Variants in GTF2A1L observed in about 807,000 individuals in gnomAD.
GTF2A1L encodes TFIIA-alpha and beta-like factor.
GTF2A1L carries 48 observed loss-of-function variants against 49.7 expected under a neutral mutation model. The observed-to-expected ratio is 0.97, with a 90% CI of 0.77 to 1.23. The LOEUF (loss-of-function observed/expected upper bound fraction) is 1.23. Among genes scored for constraint, GTF2A1L ranks in the 50% most tolerant of loss-of-function variants. The pLI is 0.00. For missense variants in GTF2A1L, 736 were observed against 564.8 expected (o/e 1.30, Z -3.07); for synonymous variants, 246 against 193.5 (o/e 1.27, Z -2.25).
At chr2:48,674,597 A>G (rs943723527) in intron 8 of GTF2A1L, among the ~76,000 whole-genome samples, 5 of 152,154 alleles carry the variant, frequency 3.3e-5, no homozygotes, top group Admixed American at 2.0e-4. Context: ...AACTTGTTTT[A>G]GTTTCTTATA....
At position 48,674,665 on chromosome 2, in the gene GTF2A1L, C is replaced by A. The variant is rs575547773; in HGVS notation, c.1329+2985C>A. 2.2e-4 allele frequency among the ~76,000 whole-genome samples: 34 copies of A among 152,184 alleles called. No homozygotes were observed. In the South Asian group the frequency reaches 6.8e-3, roughly 31 times the overall value. On this transcript the variant is annotated intron_variant, in intron 8 of 8. Transcript: ENST00000403751. ...TAAGGTACTTAATTATATATACATT[C>A]CATAAAGTCTCATGCAGAATTTTCT...
chr2:48,634,257 G>A (rs1189522172), intron 3 of GTF2A1L, among the ~76,000 whole-genome samples: 5 of 152,068 alleles, frequency 3.3e-5, no homozygotes, highest in African/African-American at 4.8e-5. Flanking sequence ...GATGGCAGGC[G>A]AGCATAACCA....
chr2:48,652,525 G>GA (rs1677911390), intron 6 of GTF2A1L, among the ~76,000 whole-genome samples: 1 of 151,218 alleles, frequency 6.6e-6, no homozygotes, highest in South Asian at 2.1e-4. Context: ...TGAGGCAAGA[G>GA]AATCACTTGA....
intron 6 of GTF2A1L, among the ~76,000 whole-genome samples, chr2:48,651,098 A>T (rs1232911854): frequency 6.6e-6 from 1 of 152,190 alleles, no homozygotes; most frequent in African/African-American, 2.4e-5. Flanking sequence ...ATCATGAAGC[A>T]TCCTATTTAC....
chr2:48,666,613 T>TTTG (rs1678860250), intron 6 of GTF2A1L, among the ~76,000 whole-genome samples: 2 of 88,662 alleles, frequency 2.3e-5, no homozygotes, highest in Non-Finnish European at 5.3e-5. Flanking sequence ...GTGTGTGTGT[T>TTTG]TGTGTGTGTG....
Position 48,671,617 on chromosome 2 carries a change from T to C in GTF2A1L, c.1266T>C (p.Val422=), listed in dbSNP as rs745910842. ...ACCCTTTAAATTCTGGAGATGATGTTAGTGAACAGGATGTGCCAGACCTGT... is the reference window on the plus strand; with the variant it reads ...ACCCTTTAAATTCTGGAGATGATGTCAGTGAACAGGATGTGCCAGACCTGT... ...EEDPLNSGDD[V]SEQDVPDLFD... The change falls in exon 8 of 9, where the codon GTT becomes GTC. Residue 422 remains valine, a synonymous_variant. Transcript: ENST00000403751. 6.2e-7 allele frequency: 1 copy of C among 1,613,596 alleles called. No homozygotes were observed. The highest frequency in any genetic ancestry group is 8.5e-7 in the Non-Finnish European group (1 of 1,179,674).
chr2:48,670,014 T>C, intron 7 of GTF2A1L, 32 bp downstream of exon 7: 1 of 1,572,304 alleles, frequency 6.4e-7, no homozygotes, highest in East Asian at 2.3e-5. Flanking sequence ...AGACTTCCTT[T>C]ATTAATTTAT....
chr2:48,666,722 T>A (rs1227225460), intron 6 of GTF2A1L, among the ~76,000 whole-genome samples: 1 of 152,126 alleles, frequency 6.6e-6, no homozygotes, highest in Non-Finnish European at 1.5e-5. Flanking sequence ...AAATTTTTAC[T>A]CTCATATTGT....
intron 7 of GTF2A1L, 92 bp from the exon 8 acceptor site, chr2:48,671,499 G>A (rs949834745): frequency 2.1e-5 from 28 of 1,361,940 alleles, no homozygotes; most frequent in African/African-American, 5.9e-5. Context: ...CCACCACGCC[G>A]AGACAAGTTC....
At position 48,618,094 on chromosome 2, in the gene GTF2A1L, G is replaced by A; in HGVS notation, c.21+199G>A. Reference sequence around the variant, plus strand: ...GGCCAGTAGTTCAGCAGGAAGTTGGGCCAGCCCCGCCAAAAGAACAAGTGC... The same window carrying A: ...GGCCAGTAGTTCAGCAGGAAGTTGGACCAGCCCCGCCAAAAGAACAAGTGC... On this transcript the variant is annotated intron_variant, in intron 1 of 8. Transcript: ENST00000403751. 3 of 552,356 alleles carry A rather than the reference G, an allele frequency of 5.4e-6. No individual in the cohort carries two copies. The South Asian group carries it at 8.2e-5, about 15-fold the overall frequency. The allele number at this position is 552,356 out of a possible 1,614,324, so 34.2% of individuals were successfully genotyped here.
chr2:48,642,609 C>G (rs935851489), intron 4 of GTF2A1L, 152 bp downstream of exon 4: 13 of 603,194 alleles, frequency 2.2e-5, no homozygotes, highest in Non-Finnish European at 3.4e-5. Context: ...AATTCCAGCA[C>G]TTTGGGAGGC....
At chr2:48,625,894 G>C (rs917049651) in intron 3 of GTF2A1L, among the ~76,000 whole-genome samples, 1 of 143,674 alleles carries the variant, frequency 7.0e-6, no homozygotes, top group African/African-American at 2.5e-5. Context: ...ATTTATTTTC[G>C]CTTTTGTAGC....
intron 1 of GTF2A1L, among the ~76,000 whole-genome samples, chr2:48,620,609 C>G (rs1675930505): frequency 6.6e-6 from 1 of 152,040 alleles, no homozygotes; most frequent in Non-Finnish European, 1.5e-5. Flanking sequence ...GAAACCCTGT[C>G]TCTCTAAAAA....
At chr2:48,623,283 A>G (rs185936729) in intron 3 of GTF2A1L, among the ~76,000 whole-genome samples, 1 of 152,316 alleles carries the variant, frequency 6.6e-6, no homozygotes, top group African/African-American at 2.4e-5. Context: ...ATCTCTTTTG[A>G]TAGCAAGTTC....
intron 6 of GTF2A1L, 129 bp downstream of exon 6, chr2:48,647,171 A>G: frequency 1.1e-6 from 1 of 916,018 alleles, no homozygotes; most frequent in Admixed American, 3.7e-5. Flanking sequence ...TTAGAAGATT[A>G]TTTCTTTTTT....
intron 6 of GTF2A1L, among the ~76,000 whole-genome samples, chr2:48,662,433 G>T (rs1678564246): frequency 6.6e-6 from 1 of 151,926 alleles, no homozygotes; most frequent in South Asian, 2.1e-4. Flanking sequence ...ATTTCTTGTA[G>T]GGAAAATCTA....
At chr2:48,635,415 C>T (rs543908397) in intron 3 of GTF2A1L, among the ~76,000 whole-genome samples, 25 of 152,014 alleles carry the variant, frequency 1.6e-4, no homozygotes, top group Non-Finnish European at 3.5e-4. Flanking sequence ...CAAGCAGGTG[C>T]CCTGAATGCC....
At chr2:48,621,965 A>T (rs1363450053) in intron 3 of GTF2A1L, among the ~76,000 whole-genome samples, 1 of 152,174 alleles carries the variant, frequency 6.6e-6, no homozygotes, top group African/African-American at 2.4e-5. Flanking sequence ...TCTGATTCTT[A>T]TAATCTTTAT....
rs753661153 is a variant in GTF2A1L, at chr2:48,647,008, T to C, written c.944T>C (p.Ile315Thr). ...GATTCTGTAAAGCAACCAAGAAATATAGAGGAACCCAGCAACATACCTGTA... is the reference window on the plus strand; with the variant it reads ...GATTCTGTAAAGCAACCAAGAAATACAGAGGAACCCAGCAACATACCTGTA... The part of the protein sequence containing the change: ...GCDSVKQPRN[I>T]EEPSNIPVSE... Residue 315 changes from isoleucine (I) to threonine (T), a missense_variant, in exon 6 of 9, where the codon ATA (isoleucine) becomes ACA (threonine). Ile to Thr is a moderately conservative substitution (Grantham distance 89, BLOSUM62 -1). Transcript: ENST00000403751. The C allele has an allele frequency of 9.3e-6, 15 of 1,613,276 alleles. No individual in the cohort carries two copies. Among genetic ancestry groups the C allele is most frequent in the African/African-American group, 2.7e-5 (2 of 75,010 alleles).
Sources: gnomAD v4.1 joint callset for allele counts (sites outside exome capture counted in the v4.1 genomes callset) on GRCh38, gnomAD v4.1.1 for gene constraint, MANE v1.5 for transcripts, NCBI Gene and HGNC (gene_info 2026-07-23, HGNC 2026-07-21) for gene names.